The following INPP4B variants were observed in gnomAD, a reference collection of about 807,000 sequenced individuals.
The protein encoded by INPP4B is inositol polyphosphate-4-phosphatase type II B.
In INPP4B, 55 loss-of-function variants were observed where a neutral mutation model predicts 122.5. The observed-to-expected ratio is 0.45, with a 90% CI of 0.36 to 0.56. INPP4B has a LOEUF of 0.56. Ranked by LOEUF, INPP4B falls within the 20% of genes least tolerant of loss-of-function variation. INPP4B has a pLI of 0.00. For missense variants in INPP4B, 1,000 were observed against 1,097.7 expected (o/e 0.91, Z 1.26); for synonymous variants, 403 against 388.7 (o/e 1.04, Z -0.43).
intron 1 of INPP4B, among the ~76,000 whole-genome samples, chr4:142,757,325 T>G (rs1031182760): frequency 1.3e-5 from 2 of 152,134 alleles, no homozygotes; most frequent in African/African-American, 4.8e-5. Context: ...TATGGGTTTG[T>G]TCTTGATGTA....
Position 142,825,875 on chromosome 4 carries a change from A to G in INPP4B, c.-254+20334T>C, listed in dbSNP as rs959942231. ...ACAGCAAAGAAGAAATAAAAACTAA[A>G]ATGTAAAATGTAGAGTCTAAAAGTC... On this transcript the variant is annotated intron_variant, in intron 1 of 25. Transcript: ENST00000262992. Among the ~76,000 whole-genome samples, 18 of 152,164 alleles carry G rather than the reference A, an allele frequency of 1.2e-4. 1 individual carries two copies. Among genetic ancestry groups the G allele is most frequent in the African/African-American group, 4.1e-4 (17 of 41,440 alleles).
intron 2 of INPP4B, among the ~76,000 whole-genome samples, chr4:142,484,266 G>T (rs1245853323): frequency 6.6e-6 from 1 of 151,942 alleles, no homozygotes; most frequent in African/African-American, 2.4e-5. Context: ...TCAGGGCAAA[G>T]AAATATGCTT....
At position 142,538,317 on chromosome 4, in the gene INPP4B, A is replaced by G. The variant is rs149132837; in HGVS notation, c.-190-75591T>C. ...TGGCAAAAGTGGTAAGACATTGACA[A>G]TAATTTCTTGCAAATTCTGTGACAG... On this transcript the variant is annotated intron_variant, in intron 2 of 25. Transcript: ENST00000262992. 3.6e-3 allele frequency among the ~76,000 whole-genome samples: 544 copies of G among 152,284 alleles called. 3 individuals carry two copies. The highest frequency in any genetic ancestry group is 0.013 in the African/African-American group (522 of 41,576).
chr4:142,251,066 G>C (rs1731767897), intron 11 of INPP4B, among the ~76,000 whole-genome samples: 1 of 152,118 alleles, frequency 6.6e-6, no homozygotes, highest in East Asian at 1.9e-4. Context: ...CACAACTATG[G>C]AGAGGTAAAG....
chr4:142,031,744 C>T (rs1395123752), intron 25 of INPP4B, among the ~76,000 whole-genome samples: 1 of 152,106 alleles, frequency 6.6e-6, no homozygotes, highest in African/African-American at 2.4e-5. Context: ...AAAAGCTCCC[C>T]TTACATTATA....
At chr4:142,326,701 C>T (rs551664510) in intron 7 of INPP4B, among the ~76,000 whole-genome samples, 2 of 152,158 alleles carry the variant, frequency 1.3e-5, no homozygotes, top group Admixed American at 6.5e-5. Context: ...ACCCTAGAAA[C>T]TTTCTGCCCT....
chr4:142,506,682 T>TG (rs761036401), intron 2 of INPP4B, among the ~76,000 whole-genome samples: 11 of 152,130 alleles, frequency 7.2e-5, no homozygotes, highest in Non-Finnish European at 1.5e-4. Flanking sequence ...TTTCTTACTG[T>TG]GGGTCAGGGG....
intron 25 of INPP4B, among the ~76,000 whole-genome samples, chr4:142,034,512 C>T (rs972648290): frequency 1.3e-5 from 2 of 152,054 alleles, no homozygotes; most frequent in African/African-American, 4.8e-5. Context: ...TTCTATTACT[C>T]ACGCAACCCC....
intron 8 of INPP4B, among the ~76,000 whole-genome samples, chr4:142,307,209 G>A (rs775755623): frequency 2.8e-4 from 42 of 152,194 alleles, no homozygotes; most frequent in Middle Eastern, 3.4e-3. Context: ...GAGAGGACTC[G>A]GAGAGATCCT....
chr4:142,653,120 G>T (rs929951181), intron 2 of INPP4B, among the ~76,000 whole-genome samples: 2 of 152,228 alleles, frequency 1.3e-5, no homozygotes, highest in Middle Eastern at 6.8e-3. Flanking sequence ...ACAGGAAATG[G>T]GGAAAGGATC....
chr4:142,114,535 T>C (rs943691847), intron 21 of INPP4B, among the ~76,000 whole-genome samples: 1 of 152,130 alleles, frequency 6.6e-6, no homozygotes, highest in African/African-American at 2.4e-5. Context: ...ATATGTTTTC[T>C]TGTACTTATA....
At chr4:142,795,943 G>T (rs957177601) in intron 1 of INPP4B, among the ~76,000 whole-genome samples, 1 of 151,506 alleles carries the variant, frequency 6.6e-6, no homozygotes, top group Non-Finnish European at 1.5e-5. Context: ...ATATTTTCTC[G>T]CCTAATTTAA....
At chr4:142,744,029 C>T (rs1181656271) in intron 1 of INPP4B, among the ~76,000 whole-genome samples, 4 of 151,778 alleles carry the variant, frequency 2.6e-5, no homozygotes, top group Non-Finnish European at 4.4e-5. Context: ...ACTATTTAAA[C>T]ATATTCAAAA....
chr4:142,468,752 T>C (rs1203344510), intron 2 of INPP4B, among the ~76,000 whole-genome samples: 1 of 152,186 alleles, frequency 6.6e-6, no homozygotes, highest in African/African-American at 2.4e-5. Flanking sequence ...CAGATGCAGG[T>C]GTTCATTCCA....
At chr4:142,406,149 G>A (rs1481892574) in intron 5 of INPP4B, among the ~76,000 whole-genome samples, 1 of 152,108 alleles carries the variant, frequency 6.6e-6, no homozygotes, top group Non-Finnish European at 1.5e-5. Flanking sequence ...TCCCACCTTT[G>A]AAATAATAAT....
chr4:142,396,492 A>C (rs1431982176), intron 7 of INPP4B, among the ~76,000 whole-genome samples: 1 of 152,178 alleles, frequency 6.6e-6, no homozygotes, highest in Non-Finnish European at 1.5e-5. Flanking sequence ...CTGGAACTCA[A>C]ATTACTAGGA....
rs1383565466 is a variant in INPP4B, at chr4:142,431,388, AG to A, written c.-126-4del. ...TATCCCACTCTGAAATTCTGTACCT[AG>A]GAAACATCAAAAGTTAAAATTTCAG... On this transcript the variant is annotated splice_region_variant and splice_polypyrimidine_tract_variant and intron_variant, in intron 3 of 25. Transcript: ENST00000262992. The A allele has an allele frequency of 1.5e-6, 1 of 667,134 alleles. No homozygotes were observed. Among genetic ancestry groups the A allele is most frequent in the African/African-American group, 1.8e-5 (1 of 54,928 alleles). 41.3% of individuals were successfully genotyped at this position (667,134 alleles called of 1,614,324 possible). A position where few individuals can be genotyped will look rare whatever the true frequency, so the allele number is the denominator to read the frequency against.
intron 7 of INPP4B, among the ~76,000 whole-genome samples, chr4:142,336,889 A>G (rs1776805230): frequency 6.6e-6 from 1 of 152,220 alleles, no homozygotes; most frequent in Non-Finnish European, 1.5e-5. Context: ...TTGGCAAACT[A>G]GAAAACCTCT....
intron 1 of INPP4B, among the ~76,000 whole-genome samples, chr4:142,781,980 A>C (rs1434498710): frequency 1.3e-5 from 2 of 151,250 alleles, no homozygotes; most frequent in Non-Finnish European, 2.9e-5. Flanking sequence ...TTATTTTTTA[A>C]TTTATTTTAT....
Sources: allele counts gnomAD v4.1 joint callset (sites outside exome capture counted in the v4.1 genomes callset), GRCh38; gene constraint gnomAD v4.1.1; transcripts MANE v1.5; gene names NCBI Gene and HGNC (gene_info 2026-07-23, HGNC 2026-07-21).